Variants in DSCAM observed in about 807,000 individuals in gnomAD.
DSCAM encodes the protein cell adhesion molecule DSCAM.
In DSCAM, 47 loss-of-function variants were observed where a neutral mutation model predicts 217.7. That is an observed-to-expected ratio of 0.22 (90% CI 0.17 to 0.28). DSCAM has a LOEUF of 0.28. Among genes scored for constraint, DSCAM ranks in the 10% least tolerant of loss-of-function variants. The pLI, the probability that DSCAM is intolerant of heterozygous loss-of-function variation, is 1.00. For synonymous variants in DSCAM, 1,056 were observed against 1,015.3 expected, an observed-to-expected ratio of 1.04 and a Z score of -0.76; for missense variants, 2,080 against 2,618.3, an observed-to-expected ratio of 0.79 and a Z score of 4.49.
At chr21:40,372,190 C>A (rs2123705430) in intron 3 of DSCAM, among the ~76,000 whole-genome samples, 1 of 152,266 alleles carries the variant, frequency 6.6e-6, no homozygotes, top group East Asian at 1.9e-4. Flanking sequence ...CCCTAACTTG[C>A]CACTGTACCC....
At chr21:40,110,477 A>G (rs914765865) in intron 20 of DSCAM, among the ~76,000 whole-genome samples, 1 of 152,226 alleles carries the variant, frequency 6.6e-6, no homozygotes, top group Non-Finnish European at 1.5e-5. Flanking sequence ...AAAACAGAGC[A>G]GAAGAACTGG....
At chr21:40,167,328 T>C (rs1187442125) in intron 15 of DSCAM, 40 bp from the exon 16 acceptor site, 1 of 1,595,740 alleles carries the variant, frequency 6.3e-7, no homozygotes, top group Non-Finnish European at 8.6e-7. Flanking sequence ...TAGAGACGCT[T>C]TCCGGAGCAG....
At chr21:40,359,649 T>C (rs2123669164) in intron 4 of DSCAM, among the ~76,000 whole-genome samples, 1 of 152,250 alleles carries the variant, frequency 6.6e-6, no homozygotes, top group East Asian at 1.9e-4. Flanking sequence ...CAAGAGAGAA[T>C]GAATGACTAA....
At chr21:40,309,055 C>T (rs1000959242) in intron 9 of DSCAM, among the ~76,000 whole-genome samples, 2 of 152,136 alleles carry the variant, frequency 1.3e-5, no homozygotes, top group Non-Finnish European at 2.9e-5. Flanking sequence ...TCTCTACTGG[C>T]TTATTCTCAT....
chr21:40,109,180 G>A (rs945043754), intron 20 of DSCAM, among the ~76,000 whole-genome samples: 30 of 152,178 alleles, frequency 2.0e-4, no homozygotes, highest in Admixed American at 6.6e-5. Flanking sequence ...GAGCTTCTGT[G>A]CAGCAAAAGA....
chr21:40,544,505 C>A (rs1024246586), intron 3 of DSCAM, among the ~76,000 whole-genome samples: 25 of 152,136 alleles, frequency 1.6e-4, no homozygotes, highest in African/African-American at 5.8e-4. Flanking sequence ...CACACAGAGA[C>A]ATAGAGAAGA....
intron 1 of DSCAM, among the ~76,000 whole-genome samples, chr21:40,735,660 TAAG>T (rs1486232621): frequency 6.6e-6 from 1 of 152,208 alleles, no homozygotes; most frequent in African/African-American, 2.4e-5. Flanking sequence ...AGTCCTATTT[TAAG>T]AAGGAGGACA....
intron 3 of DSCAM, among the ~76,000 whole-genome samples, chr21:40,668,797 A>G (rs574346932): frequency 5.9e-5 from 9 of 152,320 alleles, no homozygotes; most frequent in South Asian, 2.1e-4. Flanking sequence ...CTTTCCTGGA[A>G]GATGAGATCA....
At chr21:40,539,126 T>C (rs1275810233) in intron 3 of DSCAM, among the ~76,000 whole-genome samples, 2 of 152,148 alleles carry the variant, frequency 1.3e-5, no homozygotes, top group East Asian at 1.9e-4. Context: ...TGGGACAAGC[T>C]TGTGGTTGGG....
chr21:40,033,751 A>G (rs929852235), intron 32 of DSCAM, among the ~76,000 whole-genome samples: 1 of 151,582 alleles, frequency 6.6e-6, no homozygotes, highest in African/African-American at 2.5e-5. Context: ...AAAAGACAGC[A>G]GTAACCTCTG....
intron 1 of DSCAM, among the ~76,000 whole-genome samples, chr21:40,717,927 A>G (rs1268699182): frequency 6.6e-6 from 1 of 152,216 alleles, no homozygotes; most frequent in African/African-American, 2.4e-5. Context: ...AGAAGACTGC[A>G]GGCAGAAAGC....
intron 32 of DSCAM, among the ~76,000 whole-genome samples, chr21:40,017,702 C>T (rs556346956): frequency 1.3e-5 from 2 of 152,202 alleles, no homozygotes; most frequent in East Asian, 1.9e-4. Context: ...CAGGCATGCA[C>T]CACCACGCCT....
At chr21:40,782,020 A>G (rs1263799901) in intron 1 of DSCAM, among the ~76,000 whole-genome samples, 11 of 151,058 alleles carry the variant, frequency 7.3e-5, no homozygotes, top group Admixed American at 1.3e-4. Context: ...AGAAAAAAAA[A>G]ATTAGCCAGG....
chr21:40,682,858 G>C (rs946575764), intron 3 of DSCAM, among the ~76,000 whole-genome samples: 4 of 149,794 alleles, frequency 2.7e-5, no homozygotes, highest in Non-Finnish European at 5.9e-5. Flanking sequence ...GGGAAGGGAA[G>C]GGAAGGGAGA....
intron 3 of DSCAM, among the ~76,000 whole-genome samples, chr21:40,458,937 T>C (rs1266525141): frequency 1.3e-5 from 2 of 151,990 alleles, no homozygotes; most frequent in Non-Finnish European, 2.9e-5. Flanking sequence ...ATACAAAAGT[T>C]ATATATGAGA....
chr21:40,013,549 G>T (rs1006009429), intron 32 of DSCAM, among the ~76,000 whole-genome samples, 163 bp from the exon 33 acceptor site: 5 of 152,178 alleles, frequency 3.3e-5, no homozygotes, highest in African/African-American at 1.2e-4. Flanking sequence ...ACAAAGACAG[G>T]TGGAATCGTC....
chr21:40,693,202 A>C (rs1336113342), intron 2 of DSCAM, among the ~76,000 whole-genome samples: 3 of 152,246 alleles, frequency 2.0e-5, no homozygotes, highest in African/African-American at 7.2e-5. Flanking sequence ...TGGGAGGCCA[A>C]GATGGGTAGA....
At chr21:40,369,876 G>C (rs1357400099) in intron 3 of DSCAM, among the ~76,000 whole-genome samples, 1 of 151,992 alleles carries the variant, frequency 6.6e-6, no homozygotes, top group African/African-American at 2.4e-5. Context: ...AGAATACTCT[G>C]TTATTTCTTA....
chr21:40,367,735 T>C (rs1034993974), intron 4 of DSCAM, among the ~76,000 whole-genome samples: 12 of 152,208 alleles, frequency 7.9e-5, no homozygotes, highest in Admixed American at 7.2e-4. Context: ...TGTCTTCATC[T>C]ATACTGTTAG....
Sources: gnomAD v4.1 joint callset for allele counts (sites outside exome capture counted in the v4.1 genomes callset) on GRCh38, gnomAD v4.1.1 for gene constraint, MANE v1.5 for transcripts, NCBI Gene and HGNC (gene_info 2026-07-23, HGNC 2026-07-21) for gene names.